The following ARMH3 variants were observed in gnomAD, a reference collection of about 807,000 sequenced individuals.
The protein encoded by ARMH3 is armadillo like helical domain containing 3.
Under a neutral mutation model 99.1 loss-of-function variants are expected in ARMH3, and 60 were observed. The observed-to-expected ratio is 0.61, with a 90% CI of 0.49 to 0.75. The LOEUF (loss-of-function observed/expected upper bound fraction) is 0.75. ARMH3 is among the 30% of genes least tolerant of loss of function. The probability of loss-of-function intolerance (pLI) is 0.00; values close to 1 mark genes in which losing one functional copy is unlikely to be tolerated. For missense variants in ARMH3, 679 were observed against 843.1 expected (o/e 0.81, Z 2.41); for synonymous variants, 285 against 292.8 (o/e 0.97, Z 0.27).
rs116969341 is a variant in ARMH3 at position 101,948,802 on chromosome 10, G to A, written c.1705+7795C>T. ...CACCAAGAACAAAATACAAGTGCAT[G>A]TGGAATGGACCATTTACCAAGATAG... On this transcript the variant is annotated intron_variant, in intron 22 of 25. Transcript: ENST00000370033. Among the ~76,000 whole-genome samples the A allele has an allele frequency of 2.5e-3, 379 of 152,072 alleles. 3 individuals are homozygous for A. Among genetic ancestry groups the A allele is most frequent in the East Asian group, 0.019 (96 of 5,162 alleles).
At chr10:102,017,931 A>G (rs1035512356) in intron 8 of ARMH3, among the ~76,000 whole-genome samples, 6 of 152,120 alleles carry the variant, frequency 3.9e-5, no homozygotes, top group Non-Finnish European at 8.8e-5. Flanking sequence ...GTTACCCATC[A>G]CTTTCAACCC....
intron 1 of ARMH3, among the ~76,000 whole-genome samples, chr10:102,054,884 T>C (rs1050191698): frequency 4.0e-5 from 6 of 151,018 alleles, no homozygotes; most frequent in Non-Finnish European, 5.9e-5. Flanking sequence ...TAATCCCAGC[T>C]GCTTGGGGGG....
intron 5 of ARMH3, 106 bp downstream of exon 5, chr10:102,029,532 G>A: frequency 6.2e-7 from 1 of 1,607,232 alleles, no homozygotes; most frequent in Non-Finnish European, 8.5e-7. Context: ...TCAATCATCT[G>A]TATCTTTCTG....
At chr10:101,895,492 G>A (rs2067804477) in intron 23 of ARMH3, among the ~76,000 whole-genome samples, 1 of 152,012 alleles carries the variant, frequency 6.6e-6, no homozygotes. Flanking sequence ...TGTTAGCCAG[G>A]ATAGTCTCAA....
chr10:102,020,024 C>T (rs932063099), intron 8 of ARMH3, among the ~76,000 whole-genome samples: 4 of 151,234 alleles, frequency 2.6e-5, no homozygotes, highest in African/African-American at 9.7e-5. Flanking sequence ...AGTTTGAGAC[C>T]AGCCTGGTCT....
intron 22 of ARMH3, among the ~76,000 whole-genome samples, chr10:101,951,367 C>G (rs1258944686): frequency 6.6e-6 from 1 of 151,926 alleles, no homozygotes; most frequent in Non-Finnish European, 1.5e-5. Context: ...CCCAAGAGTT[C>G]GAGACCTGCC....
At chr10:101,861,857 G>A (rs71471220) in intron 24 of ARMH3, among the ~76,000 whole-genome samples, 10 of 126,608 alleles carry the variant, frequency 7.9e-5, no homozygotes, top group African/African-American at 1.5e-4. Context: ...ACAGCGAAAC[G>A]CCATCCCTAC....
At chr10:101,950,925 C>A (rs922743426) in intron 22 of ARMH3, among the ~76,000 whole-genome samples, 25 of 152,178 alleles carry the variant, frequency 1.6e-4, no homozygotes, top group Admixed American at 9.8e-4. Context: ...AAATTGTATG[C>A]TTTAATGGGC....
At chr10:102,029,806 A>G (rs939449245) in intron 4 of ARMH3, 61 bp from the exon 5 acceptor site, 1 of 1,478,700 alleles carries the variant, frequency 6.8e-7, no homozygotes, top group South Asian at 1.2e-5. Flanking sequence ...GTAGACCCAC[A>G]TTGCAGCCTC....
Position 101,886,685 on chromosome 10 carries a change from A to T in ARMH3, c.1860+2727T>A, listed in dbSNP as rs1392818946. 2.0e-5 allele frequency among the ~76,000 whole-genome samples: 3 copies of T among 152,176 alleles called. No individual in the cohort carries two copies. In the East Asian group the frequency reaches 5.8e-4, roughly 29 times the overall value. On this transcript the variant is annotated intron_variant, in intron 24 of 25. Transcript: ENST00000370033. ...GGCTGGGCTTTGTTTAATATGCAAT[A>T]ATGGATTTACAAGTACCACCTTGAA...
intron 1 of ARMH3, among the ~76,000 whole-genome samples, chr10:102,055,854 G>A (rs1005921780): frequency 1.3e-5 from 2 of 152,190 alleles, no homozygotes; most frequent in Non-Finnish European, 2.9e-5. Flanking sequence ...ACCGGCCGCT[G>A]GAAGAGCGAA....
intron 23 of ARMH3, among the ~76,000 whole-genome samples, chr10:101,904,501 G>A (rs915681102): frequency 2.0e-5 from 3 of 152,114 alleles, no homozygotes; most frequent in Non-Finnish European, 2.9e-5. Context: ...CTTAAAAAAA[G>A]AAAGAAAAAC....
intron 23 of ARMH3, among the ~76,000 whole-genome samples, chr10:101,933,806 T>C (rs1263824022): frequency 6.6e-6 from 1 of 152,264 alleles, no homozygotes; most frequent in Non-Finnish European, 1.5e-5. Flanking sequence ...TATGTTCATG[T>C]ACTCCCTGCT....
intron 24 of ARMH3, among the ~76,000 whole-genome samples, chr10:101,867,826 C>A (rs536335764): frequency 3.8e-4 from 58 of 150,778 alleles, no homozygotes; most frequent in African/African-American, 1.1e-3. Context: ...AGTGAGACCC[C>A]ATCCCAAAAA....
chr10:102,017,645 G>A (rs919627444), intron 8 of ARMH3, among the ~76,000 whole-genome samples: 5 of 152,004 alleles, frequency 3.3e-5, no homozygotes, highest in African/African-American at 1.2e-4. Flanking sequence ...TTGTAATGAG[G>A]CCCCAGAGGC....
chr10:101,975,214 G>T lies in ARMH3; in HGVS notation c.1493C>A (p.Ser498Ter). The change falls in exon 20 of 26, where the codon TCA becomes TAA. Residue 498 changes from serine (S) to a stop codon, truncating the protein, a stop_gained and splice_region_variant. Coordinates refer to ENST00000370033, the MANE Select transcript of ARMH3 (RefSeq NM_024541.3). LOFTEE classifies it high-confidence loss of function. ...ATGAATTCAAGAGAGAAAGTTACCT[G>T]ACCAGAGCTCCCGCCAGGTGTAATG... ...RLHYTWRELW[S>*]ALINLLKFLM... 2.5e-6 allele frequency: 4 copies of T among 1,611,744 alleles called. No homozygotes were observed. In the South Asian group the frequency reaches 4.4e-5, roughly 18 times the overall value.
At chr10:101,880,032 C>G (rs989846282) in intron 24 of ARMH3, among the ~76,000 whole-genome samples, 1 of 152,218 alleles carries the variant, frequency 6.6e-6, no homozygotes, top group Non-Finnish European at 1.5e-5. Context: ...ATGCCAGAAT[C>G]TAAACAAAGG....
rs2066486385 is a variant in ARMH3, at chr10:101,847,396, G to GTCTTCACC, written c.*124_*131dup. Reference sequence around the variant, plus strand: ...GCTGCCCAAGCTCCATTGAAGTGCGGTCTTCACCAAGAGAACTTGGTATCT... The same window carrying GTCTTCACC: ...GCTGCCCAAGCTCCATTGAAGTGCGGTCTTCACCTCTTCACCAAGAGAACTTGGTATCT... On this transcript the variant is annotated 3_prime_UTR_variant, in exon 26 of 26. Transcript: ENST00000370033. The GTCTTCACC allele has an allele frequency of 1.1e-6, 1 of 873,208 alleles. No homozygotes were observed. The allele number at this position is 873,208 out of a possible 1,614,324, so 54.1% of individuals were successfully genotyped here.
At chr10:102,023,025 T>C (rs762131105) in intron 8 of ARMH3, among the ~76,000 whole-genome samples, 30 of 151,922 alleles carry the variant, frequency 2.0e-4, no homozygotes, top group Non-Finnish European at 3.7e-4. Context: ...CTATCTCCAC[T>C]AAAAATACAA....
Sources: allele counts gnomAD v4.1 joint callset (sites outside exome capture counted in the v4.1 genomes callset), GRCh38; gene constraint gnomAD v4.1.1; transcripts MANE v1.5; gene names NCBI Gene and HGNC (gene_info 2026-07-23, HGNC 2026-07-21).